Variants in HTR1F observed in about 807,000 individuals in gnomAD.
The protein encoded by HTR1F is 5-hydroxytryptamine (serotonin) receptor 1F, G protein-coupled.
In HTR1F, 17 loss-of-function variants were observed where a neutral mutation model predicts 24.0. That is an observed-to-expected ratio of 0.71 (90% CI 0.48 to 1.06). HTR1F has a LOEUF of 1.06. Ranked by LOEUF, HTR1F falls within the 50% of genes least tolerant of loss-of-function variation. The probability of loss-of-function intolerance (pLI) is 0.00; values close to 1 mark genes in which losing one functional copy is unlikely to be tolerated. For synonymous variants in HTR1F, 186 were observed against 156.8 expected (o/e 1.19, Z -1.39); for missense variants, 391 against 427.8 (o/e 0.91, Z 0.76).
At chr3:87,866,301 G>C (rs115142520) in intron 2 of HTR1F, among the ~76,000 whole-genome samples, 127 of 152,280 alleles carry the variant, frequency 8.3e-4, no homozygotes, top group African/African-American at 2.9e-3. Context: ...CTGAATGTCT[G>C]CTCAGGTAGG....
At chr3:87,877,848 G>A (rs1373184910) in intron 2 of HTR1F, among the ~76,000 whole-genome samples, 2 of 152,126 alleles carry the variant, frequency 1.3e-5, no homozygotes, top group Non-Finnish European at 2.9e-5. Flanking sequence ...ATAAGAGAAC[G>A]GGGAAATGTG....
intron 2 of HTR1F, among the ~76,000 whole-genome samples, chr3:87,925,690 T>A (rs994983613): frequency 6.6e-6 from 1 of 152,150 alleles, no homozygotes; most frequent in Non-Finnish European, 1.5e-5. Context: ...ATGCAGCCAC[T>A]TGGACTCCAG....
At chr3:87,919,796 G>A (rs1703972040) in intron 2 of HTR1F, among the ~76,000 whole-genome samples, 2 of 151,980 alleles carry the variant, frequency 1.3e-5, no homozygotes, top group Non-Finnish European at 2.9e-5. Flanking sequence ...CAACCACTAT[G>A]GAGTACAGTG....
intron 2 of HTR1F, among the ~76,000 whole-genome samples, chr3:87,832,241 T>A (rs1255473847): frequency 1.3e-5 from 2 of 151,874 alleles, no homozygotes; most frequent in East Asian, 3.9e-4. Flanking sequence ...ATTAATGTGA[T>A]AGTAGAAATA....
chr3:87,844,135 G>T (rs2107185771), intron 2 of HTR1F, among the ~76,000 whole-genome samples: 1 of 151,392 alleles, frequency 6.6e-6, no homozygotes, highest in South Asian at 2.1e-4. Flanking sequence ...CTAGTTTACA[G>T]TCCCACCAAC....
intron 2 of HTR1F, among the ~76,000 whole-genome samples, chr3:87,933,372 G>A (rs1480454862): frequency 3.3e-5 from 5 of 151,892 alleles, no homozygotes; most frequent in Middle Eastern, 3.4e-3. Flanking sequence ...GGCAGGAGAA[G>A]GAAATAAAGG....
At chr3:87,807,656 A>G (rs1248887465) in intron 1 of HTR1F, among the ~76,000 whole-genome samples, 2 of 151,838 alleles carry the variant, frequency 1.3e-5, no homozygotes, top group African/African-American at 4.8e-5. Context: ...CCAGTAATAT[A>G]CTAAATAGGA....
chr3:87,937,111 TC>T (rs934486570), intron 2 of HTR1F, among the ~76,000 whole-genome samples: 3 of 137,328 alleles, frequency 2.2e-5, no homozygotes, highest in African/African-American at 8.2e-5. Flanking sequence ...GAGGACGGAC[TC>T]CTCCCCAACT....
In HTR1F at chr3:87,838,001, AAAT is replaced by A. The variant is rs150826764; in HGVS notation, c.-43+15883_-43+15885del. On this transcript the variant is annotated intron_variant, in intron 2 of 2. Transcript: ENST00000319595. ...TTTTGTCCACGTGGATACTATATGG[AAAT>A]AATAACTGAGATTATGGAACAATTT... Among the ~76,000 whole-genome samples, 1,031 of 152,232 alleles carry A rather than the reference AAAT, an allele frequency of 6.8e-3. 18 individuals carry two copies. The highest frequency in any genetic ancestry group is 0.024 in the African/African-American group (985 of 41,546).
intron 2 of HTR1F, among the ~76,000 whole-genome samples, chr3:87,913,502 C>T (rs902089706): frequency 1.3e-5 from 2 of 152,092 alleles, no homozygotes; most frequent in Non-Finnish European, 2.9e-5. Context: ...TTAGTTCAAC[C>T]ATTGTGAAAG....
At chr3:87,956,739 G>A (rs533380868) in intron 2 of HTR1F, among the ~76,000 whole-genome samples, 6 of 151,252 alleles carry the variant, frequency 4.0e-5, no homozygotes, top group African/African-American at 1.4e-4. Flanking sequence ...TGATTTTAGT[G>A]TTCTTAGATA....
intron 2 of HTR1F, among the ~76,000 whole-genome samples, chr3:87,901,285 A>T (rs1347628790): frequency 6.6e-6 from 1 of 152,112 alleles, no homozygotes; most frequent in Non-Finnish European, 1.5e-5. Flanking sequence ...GGTAACTAAG[A>T]TAAATTGAAC....
chr3:87,985,355 A>G (rs748568629), intron 2 of HTR1F, among the ~76,000 whole-genome samples: 17 of 152,144 alleles, frequency 1.1e-4, no homozygotes, highest in African/African-American at 3.9e-4. Flanking sequence ...AAAAGCAAAG[A>G]AAAAGTAGTT....
At chr3:87,922,589 T>C (rs555196740) in intron 2 of HTR1F, among the ~76,000 whole-genome samples, 2 of 152,116 alleles carry the variant, frequency 1.3e-5, no homozygotes, top group African/African-American at 4.8e-5. Flanking sequence ...ATTTATAAAG[T>C]TTTTGCCCAG....
chr3:87,916,205 T>A (rs566080898), intron 2 of HTR1F, among the ~76,000 whole-genome samples: 3 of 150,440 alleles, frequency 2.0e-5, no homozygotes, highest in East Asian at 3.9e-4. Flanking sequence ...TAAAGGGGGC[T>A]CTAAATCTTG....
chr3:87,913,813 T>G (rs563201331), intron 2 of HTR1F, among the ~76,000 whole-genome samples: 3 of 152,242 alleles, frequency 2.0e-5, no homozygotes, highest in Admixed American at 2.0e-4. Context: ...AGACCATTAT[T>G]AGGAAACTAA....
At chr3:87,879,715 T>C (rs1705747178) in intron 2 of HTR1F, among the ~76,000 whole-genome samples, 1 of 152,156 alleles carries the variant, frequency 6.6e-6, no homozygotes, top group South Asian at 2.1e-4. Flanking sequence ...CACCCATATT[T>C]CCATAAAATG....
chr3:87,799,992 T>C (rs187877767), intron 1 of HTR1F, among the ~76,000 whole-genome samples: 22 of 152,352 alleles, frequency 1.4e-4, no homozygotes, highest in African/African-American at 5.0e-4. Flanking sequence ...ACAGTCAGAC[T>C]ACTCTTAGAT....
intron 2 of HTR1F, among the ~76,000 whole-genome samples, chr3:87,932,471 G>T (rs1704303493): frequency 6.6e-6 from 1 of 152,114 alleles, no homozygotes; most frequent in African/African-American, 2.4e-5. Flanking sequence ...TTTGAAGACG[G>T]GTAGTGTGAT....
Sources: allele counts gnomAD v4.1 joint callset (sites outside exome capture counted in the v4.1 genomes callset), GRCh38; gene constraint gnomAD v4.1.1; transcripts MANE v1.5; gene names NCBI Gene and HGNC (gene_info 2026-07-23, HGNC 2026-07-21).